Variants in HCN1 observed in about 807,000 individuals in gnomAD.
HCN1 encodes hyperpolarization activated cyclic nucleotide gated potassium channel 1.
In HCN1, 13 loss-of-function variants were observed where a neutral mutation model predicts 78.9. The ratio of observed to expected loss-of-function variants is 0.16; its 90% CI spans 0.11 to 0.26. The LOEUF (loss-of-function observed/expected upper bound fraction) is 0.26. Among genes scored for constraint, HCN1 ranks in the 10% least tolerant of loss-of-function variants. HCN1 has a pLI of 1.00. For synonymous variants in HCN1, 552 were observed against 455.5 expected (o/e 1.21, Z -2.70); for missense variants, 810 against 1,154.3 (o/e 0.70, Z 4.32).
chr5:45,321,042 A>G (rs963916723), intron 5 of HCN1, among the ~76,000 whole-genome samples: 1 of 151,802 alleles, frequency 6.6e-6, no homozygotes, highest in Non-Finnish European at 1.5e-5. Context: ...CATGTCTTAC[A>G]TCACAGGGGA....
intron 2 of HCN1, among the ~76,000 whole-genome samples, chr5:45,583,190 C>T (rs774536411): frequency 6.6e-6 from 1 of 152,106 alleles, no homozygotes; most frequent in African/African-American, 2.4e-5. Flanking sequence ...TTAATTATTG[C>T]CTGAATTTCA....
At chr5:45,274,448 T>C (rs1335802096) in intron 6 of HCN1, among the ~76,000 whole-genome samples, 3 of 152,186 alleles carry the variant, frequency 2.0e-5, no homozygotes, top group Non-Finnish European at 4.4e-5. Flanking sequence ...AAGTTATTCA[T>C]TGACAAAGCT....
At chr5:45,451,035 A>G (rs1486450275) in intron 3 of HCN1, among the ~76,000 whole-genome samples, 2 of 152,158 alleles carry the variant, frequency 1.3e-5, no homozygotes, top group African/African-American at 4.8e-5. Context: ...GTTTCTTCAA[A>G]TTTTGCAATA....
intron 5 of HCN1, among the ~76,000 whole-genome samples, chr5:45,323,638 A>T (rs1416622559): frequency 6.6e-6 from 1 of 151,972 alleles, no homozygotes; most frequent in Non-Finnish European, 1.5e-5. Context: ...TTATGTATAC[A>T]TGTGCCATGT....
intron 6 of HCN1, among the ~76,000 whole-genome samples, chr5:45,288,163 G>A (rs1302094132): frequency 6.6e-6 from 1 of 151,904 alleles, no homozygotes; most frequent in Non-Finnish European, 1.5e-5. Flanking sequence ...CACAGTCCAA[G>A]GTCTGACAAT....
intron 5 of HCN1, among the ~76,000 whole-genome samples, chr5:45,308,094 CT>C (rs1561098238): frequency 6.6e-6 from 1 of 152,030 alleles, no homozygotes; most frequent in African/African-American, 2.4e-5. Flanking sequence ...AGTTCTCACT[CT>C]ATTAGTTTTC....
chr5:45,615,596 C>T (rs16902189), intron 2 of HCN1, among the ~76,000 whole-genome samples: 261 of 151,718 alleles, frequency 1.7e-3, no homozygotes, highest in African/African-American at 5.7e-3. Flanking sequence ...GCCTGAAGCC[C>T]CTTGATAAAA....
intron 3 of HCN1, among the ~76,000 whole-genome samples, chr5:45,420,322 G>A (rs1344951807): frequency 6.6e-6 from 1 of 152,052 alleles, no homozygotes; most frequent in Non-Finnish European, 1.5e-5. Context: ...GTGGCAACAT[G>A]CCCAGCTTAA....
Position 45,658,597 on chromosome 5 carries a change from G to A in HCN1, c.426-12989C>T, listed in dbSNP as rs868561420. ...AGTGGGCGCAGGCCAGTGTGTGCGC[G>A]CACCGTGCGCGAGCCGAAGCAGGGC... is the stretch of plus-strand genomic sequence containing the variant. On this transcript the variant is annotated intron_variant, in intron 1 of 7. Transcript: ENST00000303230. Among the ~76,000 whole-genome samples the A allele has an allele frequency of 4.1e-4, 63 of 151,940 alleles. No individual in the cohort carries two copies. In the Middle Eastern group the frequency reaches 0.014, roughly 33 times the overall value.
At chr5:45,326,174 T>G (rs1746230135) in intron 5 of HCN1, among the ~76,000 whole-genome samples, 1 of 151,612 alleles carries the variant, frequency 6.6e-6, no homozygotes, top group Admixed American at 6.6e-5. Flanking sequence ...ATTGCATGCC[T>G]GTACTAAAAC....
rs781296704 is a variant in HCN1 at position 45,298,874 on chromosome 5, T to A, written c.1618+4725A>T. On this transcript the variant is annotated intron_variant, in intron 6 of 7. Transcript: ENST00000303230. ...ACAAACCCTAACTCAAGTTAGATGA[T>A]TAAGGTCAACATCAACAGCAATAAG... is the stretch of plus-strand genomic sequence containing the variant. 9.9e-5 allele frequency among the ~76,000 whole-genome samples: 15 copies of A among 152,046 alleles called. No homozygotes were observed. The South Asian group carries it at 2.7e-3, about 27-fold the overall frequency.
chr5:45,326,591 A>G (rs1253261460), intron 5 of HCN1, among the ~76,000 whole-genome samples: 1 of 151,646 alleles, frequency 6.6e-6, no homozygotes, highest in African/African-American at 2.4e-5. Flanking sequence ...TATTTCTTTA[A>G]CTGCTAAATT....
chr5:45,460,942 A>G (rs1387005820), intron 3 of HCN1, among the ~76,000 whole-genome samples: 1 of 152,044 alleles, frequency 6.6e-6, no homozygotes, highest in Non-Finnish European at 1.5e-5. Context: ...TTTATACCTA[A>G]GGGAAAAATG....
chr5:45,375,094 TATA>T (rs374800638), intron 4 of HCN1, among the ~76,000 whole-genome samples: 5,460 of 121,490 alleles, frequency 0.045, 196 homozygotes, highest in East Asian at 0.12. Flanking sequence ...TTATATATAA[TATA>T]ATATTTTATA....
At chr5:45,561,058 T>C (rs1743589983) in intron 2 of HCN1, among the ~76,000 whole-genome samples, 1 of 152,058 alleles carries the variant, frequency 6.6e-6, no homozygotes, top group South Asian at 2.1e-4. Context: ...TTTAACAAAT[T>C]TTTTTTAAAG....
chr5:45,410,347 AATG>A (rs1740000121), intron 3 of HCN1, among the ~76,000 whole-genome samples: 1 of 151,954 alleles, frequency 6.6e-6, no homozygotes, highest in South Asian at 2.1e-4. Flanking sequence ...TATTTGGTAA[AATG>A]ATGAAGATAC....
intron 2 of HCN1, among the ~76,000 whole-genome samples, chr5:45,585,306 C>A (rs558161177): frequency 2.0e-5 from 3 of 152,154 alleles, no homozygotes; most frequent in Non-Finnish European, 2.9e-5. Flanking sequence ...ACTCTTTCTT[C>A]CAGTTCATCA....
At chr5:45,622,674 C>T (rs533316758) in intron 2 of HCN1, among the ~76,000 whole-genome samples, 1 of 151,824 alleles carries the variant, frequency 6.6e-6, no homozygotes, top group Non-Finnish European at 1.5e-5. Flanking sequence ...TAAAAAGGAA[C>T]CCATCAACAT....
At chr5:45,376,185 ATAAT>A (rs1429699229) in intron 4 of HCN1, among the ~76,000 whole-genome samples, 1 of 6,454 alleles carries the variant, frequency 1.5e-4, no homozygotes, top group African/African-American at 5.9e-4. Context: ...TATATTACAT[ATAAT>A]ATATATAACA....
Sources: allele counts gnomAD v4.1 joint callset (sites outside exome capture counted in the v4.1 genomes callset), GRCh38; gene constraint gnomAD v4.1.1; transcripts MANE v1.5; gene names NCBI Gene and HGNC (gene_info 2026-07-23, HGNC 2026-07-21).